FGFR1OP2: variants seen among roughly 807,000 people sequenced by gnomAD.
FGFR1OP2 encodes the protein FGFR1 oncogene partner 2.
A neutral mutation model predicts 35.2 loss-of-function variants in FGFR1OP2; 17 were observed. The observed-to-expected ratio is 0.48, with a 90% CI of 0.33 to 0.73. The LOEUF is 0.73. Ranked by LOEUF, FGFR1OP2 falls within the 30% of genes least tolerant of loss-of-function variation. The pLI is 0.02. For synonymous variants in FGFR1OP2, 105 were observed against 104.6 expected (o/e 1.00, Z -0.03); for missense variants, 251 against 307.3 (o/e 0.82, Z 1.37).
chr12:26,941,178 T>TAAA (rs1938728531), intron 1 of FGFR1OP2, among the ~76,000 whole-genome samples: 5 of 152,120 alleles, frequency 3.3e-5, no homozygotes, highest in Admixed American at 2.6e-4. Flanking sequence ...AGTAAGTGTA[T>TAAA]TATGGCCAGT....
intron 1 of FGFR1OP2, among the ~76,000 whole-genome samples, chr12:26,953,289 A>G (rs1341736832): frequency 7.2e-6 from 1 of 138,758 alleles, no homozygotes; most frequent in Non-Finnish European, 1.6e-5. Flanking sequence ...AAAAAAAAAA[A>G]GGAAGATAAA....
intron 1 of FGFR1OP2, among the ~76,000 whole-genome samples, chr12:26,942,151 G>C (rs1023402323): frequency 6.6e-6 from 1 of 152,228 alleles, no homozygotes; most frequent in Non-Finnish European, 1.5e-5. Context: ...TCCTGCCTCA[G>C]CCTCCAGAGT....
chr12:26,949,515 C>T (rs1336864397), intron 1 of FGFR1OP2, among the ~76,000 whole-genome samples: 5 of 151,976 alleles, frequency 3.3e-5, no homozygotes, highest in South Asian at 2.1e-4. Flanking sequence ...TTTTCCCATT[C>T]GTGTTTAATA....
At chr12:26,948,620 A>T (rs1274729253) in intron 1 of FGFR1OP2, among the ~76,000 whole-genome samples, 10 of 152,246 alleles carry the variant, frequency 6.6e-5, no homozygotes, top group African/African-American at 2.4e-4. Flanking sequence ...CTGGAGTTAG[A>T]TCTTGTTGGA....
At chr12:26,941,966 C>T (rs543154769) in intron 1 of FGFR1OP2, among the ~76,000 whole-genome samples, 4 of 152,284 alleles carry the variant, frequency 2.6e-5, no homozygotes, top group African/African-American at 7.2e-5. Context: ...GACTGGGGAT[C>T]AGAAATTCTA....
chr12:26,947,120 T>C (rs1938840446), intron 1 of FGFR1OP2, among the ~76,000 whole-genome samples: 1 of 152,218 alleles, frequency 6.6e-6, no homozygotes. Context: ...GTTTTTTGCA[T>C]TGACATACTT....
intron 5 of FGFR1OP2, 27 bp downstream of exon 5, chr12:26,960,655 G>A (rs1939091992): frequency 4.4e-6 from 7 of 1,594,824 alleles, no homozygotes; most frequent in Non-Finnish European, 6.0e-6. Flanking sequence ...GTCAACTTTT[G>A]GGGTGTGGAT....
chr12:26,966,361 T>C lies in FGFR1OP2; in HGVS notation c.*1628T>C, dbSNP rs1353490177. 1 of 152,120 alleles carries C rather than the reference T, an allele frequency of 6.6e-6. No individual in the cohort carries two copies. The highest frequency in any genetic ancestry group is 1.5e-5 in the Non-Finnish European group (1 of 67,980). The allele number at this position is 152,120 out of a possible 1,614,324, so 9.4% of individuals were successfully genotyped here. Reference sequence around the variant, plus strand: ...AGGAAATCTATTTCAAGCTACACCATTGAGATTAAGTCTGAGGCAGTTCAT... The same window carrying C: ...AGGAAATCTATTTCAAGCTACACCACTGAGATTAAGTCTGAGGCAGTTCAT... On this transcript the variant is annotated 3_prime_UTR_variant, in exon 7 of 7. Coordinates refer to ENST00000229395, the MANE Select transcript of FGFR1OP2 (RefSeq NM_015633.3).
intron 4 of FGFR1OP2, among the ~76,000 whole-genome samples, chr12:26,960,160 C>G (rs545571274): frequency 6.6e-6 from 1 of 150,704 alleles, no homozygotes; most frequent in Admixed American, 6.6e-5. Context: ...GGTACTAGTG[C>G]TCTGATATGC....
At chr12:26,951,782 C>A (rs1938932777) in intron 1 of FGFR1OP2, among the ~76,000 whole-genome samples, 1 of 151,974 alleles carries the variant, frequency 6.6e-6, no homozygotes, top group Non-Finnish European at 1.5e-5. Flanking sequence ...GACCTTATTG[C>A]GTTTTATTTG....
chr12:26,959,935 C>T (rs1373100810), intron 4 of FGFR1OP2, among the ~76,000 whole-genome samples: 1 of 151,856 alleles, frequency 6.6e-6, no homozygotes, highest in Non-Finnish European at 1.5e-5. Flanking sequence ...CGTGATGAAT[C>T]CCAAAGTAGA....
intron 3 of FGFR1OP2, 30 bp downstream of exon 3, chr12:26,956,690 C>A: frequency 7.6e-7 from 1 of 1,317,416 alleles, no homozygotes; most frequent in Non-Finnish European, 1.1e-6. Context: ...GACATTAATC[C>A]CATTTCTAGT....
chr12:26,957,836 T>C, intron 4 of FGFR1OP2, 93 bp downstream of exon 4: 1 of 1,061,074 alleles, frequency 9.4e-7, no homozygotes, highest in Non-Finnish European at 1.3e-6. Context: ...CACAGGTATC[T>C]AGTAATGGCA....
chr12:26,947,800 T>C (rs1421833884), intron 1 of FGFR1OP2, among the ~76,000 whole-genome samples: 3 of 152,228 alleles, frequency 2.0e-5, no homozygotes, highest in Non-Finnish European at 4.4e-5. Context: ...TAAATATAAA[T>C]GTCGAGGACA....
chr12:26,950,938 A>G (rs1273707838), intron 1 of FGFR1OP2, among the ~76,000 whole-genome samples: 1 of 152,230 alleles, frequency 6.6e-6, no homozygotes, highest in African/African-American at 2.4e-5. Context: ...GAATGGTAAT[A>G]TGAAAAAGAG....
At chr12:26,944,012 TTTG>T (rs959091745) in intron 1 of FGFR1OP2, among the ~76,000 whole-genome samples, 5 of 152,190 alleles carry the variant, frequency 3.3e-5, no homozygotes, top group African/African-American at 9.7e-5. Flanking sequence ...TTTGTGTTTT[TTTG>T]TTGTTGTTGT....
At chr12:26,947,651 G>A (rs1938851596) in intron 1 of FGFR1OP2, among the ~76,000 whole-genome samples, 1 of 152,058 alleles carries the variant, frequency 6.6e-6, no homozygotes, top group South Asian at 2.1e-4. Context: ...TAAGGTGCTG[G>A]GATTACAGGT....
chr12:26,963,123 T>C, intron 5 of FGFR1OP2: 1 of 369,478 alleles, frequency 2.7e-6, no homozygotes, highest in Non-Finnish European at 4.9e-6. Context: ...CTAGGTTTAG[T>C]TATATTGTGC....
chr12:26,964,532 T>G, intron 6 of FGFR1OP2, 64 bp from the exon 7 acceptor site: 1 of 1,553,748 alleles, frequency 6.4e-7, no homozygotes, highest in Admixed American at 1.8e-5. Flanking sequence ...TCCTAACATA[T>G]GTTTGTGATG....
Sources: allele counts gnomAD v4.1 joint callset (sites outside exome capture counted in the v4.1 genomes callset), GRCh38; gene constraint gnomAD v4.1.1; transcripts MANE v1.5; gene names NCBI Gene and HGNC (gene_info 2026-07-23, HGNC 2026-07-21).